SHB: variants seen among roughly 807,000 people sequenced by gnomAD.
SHB encodes the protein SH2 domain-containing adapter protein B.
Under a neutral mutation model 52.3 loss-of-function variants are expected in SHB, and 20 were observed. That is an observed-to-expected ratio of 0.38 (90% confidence interval 0.27 to 0.56). The LOEUF (loss-of-function observed/expected upper bound fraction) is 0.56, where lower values mean the gene tolerates loss of function less well. Among genes scored for constraint, SHB ranks in the 20% least tolerant of loss-of-function variants. The pLI is 0.71. For missense variants in SHB, 825 were observed against 723.3 expected (o/e 1.14, Z -1.61); for synonymous variants, 397 against 316.5 (o/e 1.25, Z -2.70).
rs147422298 is a variant in SHB, at chr9:37,963,527, C to G, written c.1055-7473G>C. On this transcript the variant is annotated intron_variant, in intron 3 of 5. Coordinates refer to ENST00000377707, the MANE Select transcript of SHB (RefSeq NM_003028.3). The stretch of plus-strand genomic sequence containing the variant: ...GCCCTGGTGTTGGTTCACGAATGTA[C>G]AGAGGCAGAGTCAAGGTGCCCAAGG... Among the ~76,000 whole-genome samples, 3 of 152,236 alleles carry G rather than the reference C, an allele frequency of 2.0e-5. No individual in the cohort carries two copies. The East Asian group carries it at 5.8e-4, about 29-fold the overall frequency.
chr9:38,020,572 C>T (rs764972030), intron 1 of SHB, among the ~76,000 whole-genome samples: 6 of 152,092 alleles, frequency 3.9e-5, no homozygotes, highest in Non-Finnish European at 8.8e-5. Context: ...AAAGAGGACC[C>T]GACGTGCCAT....
At chr9:37,953,646 C>T (rs1019213268) in intron 4 of SHB, among the ~76,000 whole-genome samples, 16 of 152,222 alleles carry the variant, frequency 1.1e-4, no homozygotes, top group African/African-American at 3.4e-4. Context: ...CCCCGTGTGA[C>T]CTGGGGCACA....
chr9:38,016,131 C>T lies in SHB; in HGVS notation c.718G>A (p.Val240Met). 1 of 1,614,058 alleles carries T rather than the reference C, an allele frequency of 6.2e-7. No individual in the cohort carries two copies. Among genetic ancestry groups the T allele is most frequent in the Non-Finnish European group, 8.5e-7 (1 of 1,179,948 alleles). ...TCTGAGTAGTCATCGGCTATGGTCACCTGCAGGGAGGAAGATGGCAGGTGT... is the reference window on the plus strand; with the variant it reads ...TCTGAGTAGTCATCGGCTATGGTCATCTGCAGGGAGGAAGATGGCAGGTGT... Reference protein sequence around the residue: ...EESGAGKKDKVTIADDYSDPF... With the variant: ...EESGAGKKDKMTIADDYSDPF... Residue 240 changes from valine (V) to methionine (M), a missense_variant and splice_region_variant, in exon 2 of 6, where the codon GTG becomes ATG. Val to Met is a conservative substitution (Grantham distance 21). Transcript: ENST00000377707.
intron 1 of SHB, among the ~76,000 whole-genome samples, chr9:38,061,311 CAAA>C (rs776311036): frequency 2.0e-4 from 17 of 84,012 alleles, no homozygotes; most frequent in Non-Finnish European, 1.5e-4. Flanking sequence ...GATCCTGTCT[CAAA>C]AAAAAAAAAA....
chr9:38,059,423 G>A (rs1587268961), intron 1 of SHB, among the ~76,000 whole-genome samples: 1 of 152,336 alleles, frequency 6.6e-6, no homozygotes, highest in East Asian at 1.9e-4. Context: ...GGGAAATCCA[G>A]AGACAGCTCC....
At chr9:37,984,968 C>T (rs572267101) in intron 2 of SHB, among the ~76,000 whole-genome samples, 7 of 152,282 alleles carry the variant, frequency 4.6e-5, no homozygotes, top group South Asian at 4.1e-4. Flanking sequence ...CCACCCCAAC[C>T]GTCACACGGC....
At position 37,955,875 on chromosome 9, in the gene SHB, G is replaced by C; in HGVS notation, c.1226+8C>G. 6.2e-7 allele frequency: 1 copy of C among 1,612,500 alleles called. No homozygotes were observed. The highest frequency in any genetic ancestry group is 8.5e-7 in the Non-Finnish European group (1 of 1,178,904). ...AGGTGAGGTTGGGCTTTGCTCCCAAGAACTTACATTTGCTTCTCCAGGGGG... is the reference window on the plus strand; with the variant it reads ...AGGTGAGGTTGGGCTTTGCTCCCAACAACTTACATTTGCTTCTCCAGGGGG... On this transcript the variant is annotated splice_region_variant and intron_variant, in intron 4 of 5. Coordinates refer to ENST00000377707, the MANE Select transcript of SHB (RefSeq NM_003028.3).
intron 2 of SHB, chr9:38,015,592 T>C (rs1297519568): frequency 9.5e-6 from 6 of 628,524 alleles, no homozygotes; most frequent in Admixed American, 2.6e-5. Context: ...AGCTCTCTTC[T>C]ACTAAGCAAC....
intron 1 of SHB, among the ~76,000 whole-genome samples, chr9:38,035,092 G>T (rs1049444362): frequency 6.6e-6 from 1 of 151,954 alleles, no homozygotes; most frequent in Admixed American, 6.6e-5. Context: ...GGACCGAGGG[G>T]TATCTACTAG....
At chr9:37,945,792 G>C (rs1166812021) in intron 5 of SHB, among the ~76,000 whole-genome samples, 2 of 152,154 alleles carry the variant, frequency 1.3e-5, no homozygotes, top group Non-Finnish European at 2.9e-5. Context: ...CCACAGATGG[G>C]GACATGGGGA....
intron 2 of SHB, among the ~76,000 whole-genome samples, chr9:37,980,579 T>C (rs939223551): frequency 2.0e-5 from 3 of 152,246 alleles, no homozygotes; most frequent in Non-Finnish European, 4.4e-5. Context: ...TTAATGTGGC[T>C]ATTTTGACCC....
intron 2 of SHB, among the ~76,000 whole-genome samples, chr9:37,975,117 A>C (rs11789186): frequency 0.074 from 11,244 of 152,302 alleles, 482 homozygotes; most frequent in South Asian, 0.11. Flanking sequence ...CAGAGCCCAG[A>C]TGTGAACATG....
At chr9:37,955,751 G>C (rs1832622986) in intron 4 of SHB, 132 bp downstream of exon 4, 3 of 829,482 alleles carry the variant, frequency 3.6e-6, no homozygotes, top group Non-Finnish European at 3.8e-6. Context: ...GCCTCCCAAA[G>C]TGCTGGGATT....
chr9:37,951,226 C>T (rs533326253), intron 4 of SHB, among the ~76,000 whole-genome samples: 1 of 152,298 alleles, frequency 6.6e-6, no homozygotes, highest in African/African-American at 2.4e-5. Context: ...GCTGGACATC[C>T]GGAGGGGAGA....
In SHB at chr9:37,919,941, C is replaced by T; in HGVS notation, c.1410G>A (p.Gln470=). The T allele has an allele frequency of 1.2e-6, 2 of 1,614,150 alleles. No individual in the cohort carries two copies. The highest frequency in any genetic ancestry group is 4.5e-5 in the East Asian group (2 of 44,888). ...AKTKEKYVLG[Q]NSPPFDSVPE... ...GGACACTGTCGAACGGAGGGCTGTT[C>T]TGACCCAGAACGTATTTCTCTTTGG... is the stretch of plus-strand genomic sequence containing the variant. Residue 470 remains glutamine (Q), a synonymous_variant, in exon 6 of 6, where the codon CAG becomes CAA. Transcript: ENST00000377707.
chr9:38,018,106 A>C (rs1274784480), intron 1 of SHB, among the ~76,000 whole-genome samples: 1 of 152,040 alleles, frequency 6.6e-6, no homozygotes, highest in African/African-American at 2.4e-5. Context: ...GCAATAAGGA[A>C]GGGAAAAAAT....
At chr9:38,058,730 C>T (rs546065251) in intron 1 of SHB, among the ~76,000 whole-genome samples, 4 of 152,280 alleles carry the variant, frequency 2.6e-5, no homozygotes, top group Admixed American at 6.5e-5. Flanking sequence ...TCACCTGCTC[C>T]GCTCAGTCAT....
chr9:37,916,255 C>A lies in SHB; in HGVS notation c.*3566G>T, dbSNP rs925065028. On this transcript the variant is annotated 3_prime_UTR_variant, in exon 6 of 6. Transcript: ENST00000377707. ...GGTGGAGAGACAGTTGGCTGGACAG[C>A]TGCCTGATTCGGCCATGACCCTTCA... 6.6e-5 allele frequency among the ~76,000 whole-genome samples: 10 copies of A among 152,264 alleles called. No individual in the cohort carries two copies. Among genetic ancestry groups the A allele is most frequent in the African/African-American group, 2.4e-4 (10 of 41,470 alleles).
At chr9:37,946,710 G>A (rs1168665951) in intron 5 of SHB, among the ~76,000 whole-genome samples, 3 of 152,308 alleles carry the variant, frequency 2.0e-5, no homozygotes, top group Admixed American at 2.0e-4. Context: ...GGAGTGCTCT[G>A]TCCTGTCCTC....
Sources: gnomAD v4.1 joint callset for allele counts (sites outside exome capture counted in the v4.1 genomes callset) on GRCh38, gnomAD v4.1.1 for gene constraint, MANE v1.5 for transcripts, NCBI Gene and HGNC (gene_info 2026-07-23, HGNC 2026-07-21) for gene names.